The following LINGO2 variants were observed in gnomAD, a reference collection of about 807,000 sequenced individuals.
LINGO2 encodes the protein leucine rich repeat and Ig domain containing 2.
A neutral mutation model predicts 30.6 loss-of-function variants in LINGO2; 14 were observed. That is an observed-to-expected ratio of 0.46 (90% confidence interval 0.30 to 0.72). The LOEUF is 0.72. Among genes scored for constraint, LINGO2 ranks in the 30% least tolerant of loss-of-function variants. LINGO2 has a pLI of 0.07. For synonymous variants in LINGO2, 317 were observed against 288.5 expected (o/e 1.10, Z -1.00); for missense variants, 729 against 751.7 (o/e 0.97, Z 0.35).
At chr9:29,040,561 T>C in the LINGO2 span, among the ~76,000 whole-genome samples, 1 of 146,396 alleles carries the variant, frequency 6.8e-6, no homozygotes, top group East Asian at 2.0e-4. Context: ...TCTAGACGCC[T>C]CTTTAAAAAA....
chr9:28,210,208 G>A (rs1400788640), intron 4 of LINGO2, among the ~76,000 whole-genome samples: 5 of 151,570 alleles, frequency 3.3e-5, no homozygotes, highest in African/African-American at 9.7e-5. Flanking sequence ...CTAGCCATGT[G>A]TCTCAATAAC....
intron 3 of LINGO2, among the ~76,000 whole-genome samples, chr9:28,367,330 G>T (rs1273278301): frequency 6.6e-6 from 1 of 152,066 alleles, no homozygotes; most frequent in African/African-American, 2.4e-5. Context: ...TTCTGGTTTT[G>T]CTTATTGAAC....
intron 4 of LINGO2, among the ~76,000 whole-genome samples, chr9:28,249,564 T>A (rs1489087678): frequency 2.0e-5 from 3 of 152,130 alleles, no homozygotes; most frequent in Non-Finnish European, 4.4e-5. Context: ...TTTTCTGGAC[T>A]GAAGTAGGTT....
chr9:28,024,564 C>G (rs974134441), intron 4 of LINGO2, among the ~76,000 whole-genome samples: 2 of 152,152 alleles, frequency 1.3e-5, no homozygotes, highest in Middle Eastern at 3.2e-3. Flanking sequence ...GCATTTATCT[C>G]CAGCCTCACT....
chr9:28,211,822 C>A (rs1359995633), intron 4 of LINGO2, among the ~76,000 whole-genome samples: 6 of 151,310 alleles, frequency 4.0e-5, no homozygotes, highest in African/African-American at 1.5e-4. Flanking sequence ...TTCTTGCTTG[C>A]TAAATTTACT....
At chr9:29,081,413 G>C in the LINGO2 span, among the ~76,000 whole-genome samples, 1 of 151,996 alleles carries the variant, frequency 6.6e-6, no homozygotes, top group African/African-American at 2.4e-5. Context: ...AATAAATTAG[G>C]TATTGATGGG....
chr9:28,426,633 T>C (rs906985231), intron 2 of LINGO2, among the ~76,000 whole-genome samples: 1 of 152,120 alleles, frequency 6.6e-6, no homozygotes, highest in African/African-American at 2.4e-5. Flanking sequence ...CCCTTTGCCA[T>C]GTTTGTAAAA....
chr9:28,346,284 T>C (rs115822490), intron 3 of LINGO2, among the ~76,000 whole-genome samples: 3,760 of 152,256 alleles, frequency 0.025, 54 homozygotes, highest in Middle Eastern at 0.044. Flanking sequence ...CTCCTACTTA[T>C]ATGTGAGAAA....
the LINGO2 span, among the ~76,000 whole-genome samples, chr9:29,076,297 A>G: frequency 6.6e-6 from 1 of 152,050 alleles, no homozygotes; most frequent in East Asian, 1.9e-4. Flanking sequence ...TTATCTATAT[A>G]TATTTGCATG....
the LINGO2 span, among the ~76,000 whole-genome samples, chr9:28,950,235 G>A: frequency 2.0e-5 from 3 of 152,116 alleles, no homozygotes; most frequent in African/African-American, 4.8e-5. Context: ...GGTATTGATG[G>A]AACGTATCTC....
At chr9:28,241,779 C>A (rs1400272622) in intron 4 of LINGO2, among the ~76,000 whole-genome samples, 1 of 152,118 alleles carries the variant, frequency 6.6e-6, no homozygotes, top group Non-Finnish European at 1.5e-5. Context: ...AGTAGGCACC[C>A]ATCTTTGCTC....
At chr9:28,080,199 C>T (rs1207310535) in intron 4 of LINGO2, among the ~76,000 whole-genome samples, 2 of 152,226 alleles carry the variant, frequency 1.3e-5, no homozygotes, top group Non-Finnish European at 2.9e-5. Context: ...AAATACACAT[C>T]ATGTTTTCTT....
At chr9:28,608,548 A>G (rs1461500314) in intron 1 of LINGO2, among the ~76,000 whole-genome samples, 1 of 152,022 alleles carries the variant, frequency 6.6e-6, no homozygotes, top group Non-Finnish European at 1.5e-5. Context: ...TTAAAACAGA[A>G]AAATGGAGAA....
intron 4 of LINGO2, among the ~76,000 whole-genome samples, chr9:28,031,054 T>TGGGAAA (rs1823645238): frequency 2.0e-5 from 3 of 152,176 alleles, no homozygotes; most frequent in South Asian, 2.1e-4. Flanking sequence ...TAATATTGAT[T>TGGGAAA]CTATAATAAT....
chr9:28,884,586 A>C, the LINGO2 span, among the ~76,000 whole-genome samples: 1 of 151,558 alleles, frequency 6.6e-6, no homozygotes, highest in South Asian at 2.1e-4. Flanking sequence ...TCCATCTGTA[A>C]ATAATTCCCA....
chr9:28,109,312 A>G (rs935471849), intron 4 of LINGO2, among the ~76,000 whole-genome samples: 1 of 152,220 alleles, frequency 6.6e-6, no homozygotes. Context: ...AAAAGCTGGA[A>G]GCATTCCCTT....
the LINGO2 span, among the ~76,000 whole-genome samples, chr9:28,742,340 G>A: frequency 0.017 from 2,599 of 150,234 alleles, 83 homozygotes; most frequent in African/African-American, 0.061. Context: ...AGATATTGCC[G>A]AAGTATTTTT....
At chr9:28,510,736 C>T (rs1435031777) in intron 1 of LINGO2, among the ~76,000 whole-genome samples, 1 of 151,530 alleles carries the variant, frequency 6.6e-6, no homozygotes, top group Admixed American at 6.6e-5. Flanking sequence ...TTTTATTAGT[C>T]AGGATTCTCT....
At chr9:28,049,873 T>A (rs1402109079) in intron 4 of LINGO2, among the ~76,000 whole-genome samples, 1 of 150,626 alleles carries the variant, frequency 6.6e-6, no homozygotes, top group Non-Finnish European at 1.5e-5. Context: ...CCTCTGAAGA[T>A]TTTTAAATCA....
Sources: gnomAD v4.1 joint callset for allele counts (sites outside exome capture counted in the v4.1 genomes callset) on GRCh38, gnomAD v4.1.1 for gene constraint, MANE v1.5 for transcripts, NCBI Gene and HGNC (gene_info 2026-07-23, HGNC 2026-07-21) for gene names.